Variants in CHST11 observed in about 807,000 individuals in gnomAD.
The protein encoded by CHST11 is C4S-1.
CHST11 carries 9 observed loss-of-function variants against 30.4 expected under a neutral mutation model. The ratio of observed to expected loss-of-function variants is 0.30; its 90% CI spans 0.18 to 0.52. CHST11 has a LOEUF of 0.52. CHST11 is among the 20% of genes least tolerant of loss of function. The pLI is 0.97. For missense variants in CHST11, 348 were observed against 460.6 expected (o/e 0.76, Z 2.24); for synonymous variants, 152 against 187.8 (o/e 0.81, Z 1.56).
rs1346150751 is a variant in CHST11 at position 104,707,937 on chromosome 12, CACAGAT to C, written c.205-49008_205-49003del. 2.6e-5 allele frequency among the ~76,000 whole-genome samples: 4 copies of C among 152,260 alleles called. No individual in the cohort carries two copies. In the East Asian group the frequency reaches 7.7e-4, roughly 29 times the overall value. ...GCACATAGACACATGCAGGCATGCA[CACAGAT>C]ACAAACACATACAGACTCATGCTCA... is the stretch of plus-strand genomic sequence containing the variant. On this transcript the variant is annotated intron_variant, in intron 2 of 2. Coordinates refer to ENST00000303694, the MANE Select transcript of CHST11 (RefSeq NM_018413.6).
At chr12:104,659,993 G>T (rs1032467752) in intron 2 of CHST11, among the ~76,000 whole-genome samples, 2 of 152,124 alleles carry the variant, frequency 1.3e-5, no homozygotes, top group African/African-American at 4.8e-5. Flanking sequence ...AAAAGAAAAC[G>T]AATTAATTTC....
At chr12:104,523,649 A>G (rs369859043) in intron 1 of CHST11, among the ~76,000 whole-genome samples, 1 of 152,150 alleles carries the variant, frequency 6.6e-6, no homozygotes. Context: ...AAGTGAAATA[A>G]TATTTTATGT....
intron 1 of CHST11, among the ~76,000 whole-genome samples, chr12:104,490,441 G>A (rs1307295957): frequency 2.0e-5 from 3 of 152,178 alleles, no homozygotes; most frequent in South Asian, 4.1e-4. Context: ...GACACATACC[G>A]TGTCATGCAG....
chr12:104,538,273 ATTTTTCTCATG>A (rs979189827), intron 1 of CHST11, among the ~76,000 whole-genome samples: 16 of 151,924 alleles, frequency 1.1e-4, no homozygotes, highest in African/African-American at 3.9e-4. Context: ...CTCAATTGGG[ATTTTTCTCATG>A]TTTTTCTCAT....
chr12:104,502,120 T>A (rs972029314), intron 1 of CHST11, among the ~76,000 whole-genome samples: 1 of 152,062 alleles, frequency 6.6e-6, no homozygotes, highest in Non-Finnish European at 1.5e-5. Flanking sequence ...CTTGAACTGC[T>A]GGGCTCAAGG....
chr12:104,720,065 G>T (rs115286959), intron 2 of CHST11, among the ~76,000 whole-genome samples: 290 of 152,328 alleles, frequency 1.9e-3, no homozygotes, highest in African/African-American at 6.8e-3. Flanking sequence ...TTGTAAACAT[G>T]TTGCTTTTTG....
At chr12:104,468,565 T>C (rs2037480686) in intron 1 of CHST11, among the ~76,000 whole-genome samples, 1 of 152,240 alleles carries the variant, frequency 6.6e-6, no homozygotes, top group African/African-American at 2.4e-5. Flanking sequence ...GCGAGAATGA[T>C]TGCAGTTTAG....
intron 1 of CHST11, among the ~76,000 whole-genome samples, chr12:104,576,789 G>A (rs1472530380): frequency 1.3e-5 from 2 of 152,132 alleles, no homozygotes; most frequent in Admixed American, 6.5e-5. Context: ...TATTGAATCC[G>A]GATCTGGATT....
chr12:104,649,808 A>T (rs1024142300), intron 2 of CHST11, among the ~76,000 whole-genome samples: 2 of 152,206 alleles, frequency 1.3e-5, no homozygotes, highest in Non-Finnish European at 2.9e-5. Flanking sequence ...AAATAATGGG[A>T]TGGGGAATGC....
chr12:104,546,461 C>CAA (rs760073702), intron 1 of CHST11, among the ~76,000 whole-genome samples: 10 of 66,808 alleles, frequency 1.5e-4, no homozygotes, highest in African/African-American at 4.1e-4. Context: ...GACCCTGTCT[C>CAA]AAAAAAAAAA....
intron 1 of CHST11, among the ~76,000 whole-genome samples, chr12:104,590,273 A>G (rs1266003593): frequency 6.6e-6 from 1 of 152,184 alleles, no homozygotes; most frequent in Non-Finnish European, 1.5e-5. Flanking sequence ...GTGCTCATCA[A>G]GCTTGAAGCT....
intron 2 of CHST11, among the ~76,000 whole-genome samples, chr12:104,645,221 A>C (rs1445483129): frequency 1.3e-5 from 2 of 152,190 alleles, no homozygotes; most frequent in Admixed American, 6.5e-5. Context: ...TGCTGGGATT[A>C]CAGGCGTGAG....
chr12:104,478,568 GT>G (rs1198831075), intron 1 of CHST11, among the ~76,000 whole-genome samples: 4 of 152,182 alleles, frequency 2.6e-5, no homozygotes, highest in African/African-American at 7.2e-5. Flanking sequence ...TGTCTATTAG[GT>G]TTCCTGTTAA....
rs117415021 is a variant in CHST11 at position 104,691,470 on chromosome 12, C to G, written c.205-65479C>G. On this transcript the variant is annotated intron_variant, in intron 2 of 2. Coordinates refer to ENST00000303694, the MANE Select transcript of CHST11 (RefSeq NM_018413.6). Reference sequence around the variant, plus strand: ...AGAATACTGGGGGCGGGGGGGAAACCAGGCACATTAGAGGCACAATTTTTT... The same window carrying G: ...AGAATACTGGGGGCGGGGGGGAAACGAGGCACATTAGAGGCACAATTTTTT... Among the ~76,000 whole-genome samples, 592 of 151,232 alleles carry G rather than the reference C, an allele frequency of 3.9e-3. 1 individual carries two copies. The highest frequency in any genetic ancestry group is 5.7e-3 in the Non-Finnish European group (384 of 67,924).
chr12:104,470,946 T>A (rs2037502954), intron 1 of CHST11, among the ~76,000 whole-genome samples: 1 of 152,206 alleles, frequency 6.6e-6, no homozygotes. Flanking sequence ...AGTGGGACAT[T>A]CAATGATAGC....
intron 1 of CHST11, among the ~76,000 whole-genome samples, chr12:104,544,148 AAGAAAGAAAGAAAGAAAG>A (rs1565981192): frequency 1.2e-4 from 4 of 33,948 alleles, no homozygotes; most frequent in East Asian, 0.045. Flanking sequence ...AAAAGAAAGA[AAGAAAGAAAGAAAGAAAG>A]AAAGAAAGAA....
At chr12:104,472,963 T>A (rs1034320053) in intron 1 of CHST11, among the ~76,000 whole-genome samples, 2 of 152,022 alleles carry the variant, frequency 1.3e-5, no homozygotes, top group African/African-American at 4.8e-5. Context: ...AGGAGAGTGA[T>A]GTCTGGGAAT....
chr12:104,660,098 A>G (rs2039585017), intron 2 of CHST11, among the ~76,000 whole-genome samples: 1 of 152,242 alleles, frequency 6.6e-6, no homozygotes, highest in Non-Finnish European at 1.5e-5. Flanking sequence ...GGGCTAGACT[A>G]GAAATGAGAC....
chr12:104,657,536 G>A (rs931107937), intron 2 of CHST11, among the ~76,000 whole-genome samples: 4 of 151,888 alleles, frequency 2.6e-5, no homozygotes, highest in Admixed American at 6.6e-5. Context: ...AAAAACCCTC[G>A]AGATCATTTG....
Sources: allele counts gnomAD v4.1 joint callset (sites outside exome capture counted in the v4.1 genomes callset), GRCh38; gene constraint gnomAD v4.1.1; transcripts MANE v1.5; gene names NCBI Gene and HGNC (gene_info 2026-07-23, HGNC 2026-07-21).